KLF13: variants seen among roughly 807,000 people sequenced by gnomAD.
KLF13 encodes the protein KLF transcription factor 13, also known as Krueppel-like factor 13.
In KLF13, 8 loss-of-function variants were observed where a neutral mutation model predicts 16.7. The ratio of observed to expected loss-of-function variants is 0.48; its 90% CI spans 0.28 to 0.87. The LOEUF (loss-of-function observed/expected upper bound fraction) is 0.87, where lower values mean the gene tolerates loss of function less well. Ranked by LOEUF, KLF13 falls within the 40% of genes least tolerant of loss-of-function variation. KLF13 has a pLI of 0.10. For synonymous variants in KLF13, 245 were observed against 208.4 expected, an observed-to-expected ratio of 1.18 and a Z score of -1.51; for missense variants, 447 against 452.2, an observed-to-expected ratio of 0.99 and a Z score of 0.10.
chr15:31,392,144 G>A (rs2039880748), upstream of KLF13, among the ~76,000 whole-genome samples: 2 of 152,152 alleles, frequency 1.3e-5, no homozygotes, highest in African/African-American at 4.8e-5. Flanking sequence ...GCCGCAGTAC[G>A]TCGTCTCCAC....
intron 1 of KLF13, among the ~76,000 whole-genome samples, chr15:31,366,762 C>T (rs566107446): frequency 1.8e-3 from 275 of 152,354 alleles, no homozygotes; most frequent in African/African-American, 6.4e-3. Flanking sequence ...TCACTGTACT[C>T]GGCTGCACGC....
intron 1 of KLF13, among the ~76,000 whole-genome samples, chr15:31,351,994 A>AGAGT (rs2039224176): frequency 6.6e-6 from 1 of 151,916 alleles, no homozygotes; most frequent in Admixed American, 6.6e-5. Context: ...CCTGAGCAAC[A>AGAGT]GAGTGAGACT....
chr15:31,352,430 T>C (rs943796005), intron 1 of KLF13, among the ~76,000 whole-genome samples: 5 of 152,254 alleles, frequency 3.3e-5, no homozygotes, highest in Non-Finnish European at 7.3e-5. Flanking sequence ...CTGTGTGAGC[T>C]CTGCCTGGCC....
chr15:31,339,049 A>T (rs1245483965), intron 1 of KLF13, among the ~76,000 whole-genome samples: 1 of 151,976 alleles, frequency 6.6e-6, no homozygotes, highest in Non-Finnish European at 1.5e-5. Flanking sequence ...CCCTCTGGGG[A>T]TGCCCTGGCG....
At chr15:31,417,420 G>A (rs546846858) in intron 1 of KLF13, among the ~76,000 whole-genome samples, 15 of 151,922 alleles carry the variant, frequency 9.9e-5, no homozygotes, top group African/African-American at 3.1e-4. Flanking sequence ...GCTTGAACCC[G>A]GGAGGCAGAG....
chr15:31,387,184 A>C (rs1318313126), intron 1 of KLF13, among the ~76,000 whole-genome samples: 1 of 152,228 alleles, frequency 6.6e-6, no homozygotes, highest in Non-Finnish European at 1.5e-5. Context: ...CGTGGGTAAA[A>C]TGCTATCAGC....
intron 1 of KLF13, among the ~76,000 whole-genome samples, chr15:31,423,074 C>A (rs2040347744): frequency 2.1e-5 from 1 of 48,082 alleles, no homozygotes; most frequent in Non-Finnish European, 4.3e-5. Flanking sequence ...AGTCATATAA[C>A]AATTACATAT....
intron 1 of KLF13, among the ~76,000 whole-genome samples, chr15:31,340,974 G>A (rs989686385): frequency 2.0e-5 from 3 of 152,240 alleles, no homozygotes; most frequent in African/African-American, 7.2e-5. Flanking sequence ...GGGAGACCCA[G>A]CGCCCCTGTG....
chr15:31,419,693 T>C (rs1671717576), intron 1 of KLF13, among the ~76,000 whole-genome samples: 1 of 152,146 alleles, frequency 6.6e-6, no homozygotes, highest in African/African-American at 2.4e-5. Context: ...ATCAAGCCTA[T>C]CAATATACAT....
intron 1 of KLF13, among the ~76,000 whole-genome samples, chr15:31,434,417 G>A (rs953901862): frequency 4.6e-5 from 7 of 152,124 alleles, no homozygotes; most frequent in African/African-American, 1.7e-4. Flanking sequence ...AAGAAGGGCC[G>A]GGAACCAACA....
intron 1 of KLF13, among the ~76,000 whole-genome samples, chr15:31,340,610 C>T (rs1024390399): frequency 3.9e-5 from 6 of 152,168 alleles, no homozygotes; most frequent in Admixed American, 6.5e-5. Flanking sequence ...AGAAAAAACT[C>T]GTGCTGGGCA....
chr15:31,429,996 GT>G (rs1226005652), intron 1 of KLF13, among the ~76,000 whole-genome samples: 1 of 151,956 alleles, frequency 6.6e-6, no homozygotes, highest in African/African-American at 2.4e-5. Flanking sequence ...GCCTCCCAAA[GT>G]GCTGGGATTA....
downstream of KLF13, among the ~76,000 whole-genome samples, chr15:31,381,171 C>CAAAA (rs398043115): frequency 6.4e-4 from 78 of 121,506 alleles, 3 homozygotes; most frequent in African/African-American, 2.0e-3. Flanking sequence ...GACTCTGTCT[C>CAAAA]AAAAAAAAAA....
upstream of KLF13, among the ~76,000 whole-genome samples, chr15:31,388,605 C>CAAAAA: frequency 1.1e-5 from 1 of 92,362 alleles, no homozygotes; most frequent in Non-Finnish European, 2.4e-5. Flanking sequence ...AACTCTGTCT[C>CAAAAA]AAAAAAAAAA....
chr15:31,429,556 T>C (rs1022606832), intron 1 of KLF13, among the ~76,000 whole-genome samples: 4 of 152,182 alleles, frequency 2.6e-5, no homozygotes, highest in African/African-American at 9.7e-5. Flanking sequence ...AGCCACTGAC[T>C]TGTACACTTA....
chr15:31,334,484 A>T (rs1029943378), intron 1 of KLF13, among the ~76,000 whole-genome samples: 5 of 151,678 alleles, frequency 3.3e-5, no homozygotes, highest in African/African-American at 1.2e-4. Context: ...CTGGAGTGCA[A>T]TGGCACAATC....
intron 1 of KLF13, among the ~76,000 whole-genome samples, chr15:31,371,371 T>C (rs2039552213): frequency 6.6e-6 from 1 of 152,260 alleles, no homozygotes. Flanking sequence ...CACTTGGGTC[T>C]GCAAGAGGCT....
chr15:31,327,640 G>C lies in KLF13; in HGVS notation c.428G>C (p.Gly143Ala). The C allele has an allele frequency of 7.1e-7, 1 of 1,399,230 alleles. No homozygotes were observed. Among genetic ancestry groups the C allele is most frequent in the Non-Finnish European group, 9.4e-7 (1 of 1,061,460 alleles). The allele number at this position is 1,399,230 out of a possible 1,614,324, so 86.7% of individuals were successfully genotyped here. The change falls in exon 1 of 2, where the codon GGC (glycine) becomes GCC (alanine). Residue 143 changes from glycine to alanine, a missense_variant. Gly to Ala is a moderately conservative substitution (Grantham distance 60, BLOSUM62 0). This residue lies in a region of KLF13 where 359 missense variants were observed against 282.8 expected (regional missense o/e 1.27). Coordinates refer to ENST00000307145, the MANE Select transcript of KLF13 (RefSeq NM_015995.4). ...PEREPGPAGS[G>A]EPGLRQRVRR... ...CGGGAGCCGGGGCCCGCGGGGAGCG[G>C]CGAGCCCGGCCTCAGACAAAGGGTC...
At chr15:31,385,895 G>A (rs1156614707) in intron 1 of KLF13, among the ~76,000 whole-genome samples, 2 of 152,220 alleles carry the variant, frequency 1.3e-5, no homozygotes, top group Non-Finnish European at 2.9e-5. Flanking sequence ...GTCTCAAAAG[G>A]TGAGGTAGGC....
Sources: gnomAD v4.1 joint callset for allele counts (sites outside exome capture counted in the v4.1 genomes callset) on GRCh38, gnomAD v4.1.1 for gene constraint, gnomAD v4.1.1 regional missense constraint, MANE v1.5 for transcripts, NCBI Gene and HGNC (gene_info 2026-07-23, HGNC 2026-07-21) for gene names.